SCAMP5: variants seen among roughly 807,000 people sequenced by gnomAD.
SCAMP5 encodes secretory carrier membrane protein 5.
SCAMP5 carries 7 observed loss-of-function variants against 28.3 expected under a neutral mutation model. The ratio of observed to expected loss-of-function variants is 0.25; its 90% CI spans 0.14 to 0.46. The LOEUF (loss-of-function observed/expected upper bound fraction) is 0.46. SCAMP5 is among the 20% of genes least tolerant of loss of function. The pLI is 0.99. For missense variants in SCAMP5, 192 were observed against 312.5 expected (o/e 0.61, Z 2.91); for synonymous variants, 117 against 116.4 (o/e 1.00, Z -0.03).
At chr15:74,999,525 C>T (rs2065682734) in intron 1 of SCAMP5, among the ~76,000 whole-genome samples, 2 of 152,090 alleles carry the variant, frequency 1.3e-5, no homozygotes, top group South Asian at 2.1e-4. Flanking sequence ...TTTCCCGAGG[C>T]GGAGCTTGCA....
chr15:75,008,129 G>T (rs1198907375), intron 1 of SCAMP5, among the ~76,000 whole-genome samples: 4 of 151,922 alleles, frequency 2.6e-5, no homozygotes, highest in African/African-American at 9.7e-5. Flanking sequence ...TCAATTTAAA[G>T]TATAGTTAGC....
At chr15:75,001,546 C>T (rs71401669) in intron 1 of SCAMP5, among the ~76,000 whole-genome samples, 15,380 of 151,756 alleles carry the variant, frequency 0.1, 996 homozygotes, top group Middle Eastern at 0.29. Flanking sequence ...GAGGCTGAGG[C>T]GGGTGGATCT....
At chr15:75,010,739 C>T (rs2065803902) in intron 1 of SCAMP5, among the ~76,000 whole-genome samples, 2 of 151,942 alleles carry the variant, frequency 1.3e-5, no homozygotes, top group South Asian at 4.1e-4. Context: ...CCAGGAGTGC[C>T]ACTTTACTCC....
chr15:75,001,762 C>A (rs145452649), intron 1 of SCAMP5, among the ~76,000 whole-genome samples: 1 of 147,698 alleles, frequency 6.8e-6, no homozygotes, highest in Non-Finnish European at 1.5e-5. Context: ...TCCAGCTACT[C>A]GGGATGCTGA....
At position 75,016,786 on chromosome 15, in the gene SCAMP5, T is replaced by C. The variant is rs749917203; in HGVS notation, c.293+37T>C. 7 of 1,551,744 alleles carry C rather than the reference T, an allele frequency of 4.5e-6. 1 individual carries two copies. The South Asian group carries it at 8.1e-5, about 18-fold the overall frequency. ...GTGCTATCCGCAGTGCCTAGCCGTC[T>C]CTGCCCATCTCCCCTGTCTCTTCTC... is the stretch of plus-strand genomic sequence containing the variant. On this transcript the variant is annotated intron_variant, in intron 4 of 6. Coordinates refer to ENST00000425597, the MANE Select transcript of SCAMP5 (RefSeq NM_138967.4).
chr15:74,996,827 G>T lies in SCAMP5; in HGVS notation c.-49+1154G>T, dbSNP rs1033803055. Among the ~76,000 whole-genome samples the T allele has an allele frequency of 2.0e-5, 3 of 152,212 alleles. No homozygotes were observed. Among genetic ancestry groups the T allele is most frequent in the Admixed American group, 2.0e-4 (3 of 15,282 alleles). On this transcript the variant is annotated intron_variant, in intron 1 of 6. Coordinates refer to ENST00000425597, the MANE Select transcript of SCAMP5 (RefSeq NM_138967.4). The surrounding 1 kb of genome is among the most constrained non-coding windows in gnomAD (Gnocchi z 4.1). ...ACACAGGTCTTGCTAACTTAGGTTTGTTCTGGGCTTGGTGAGCCTTAGGGC... is the reference window on the plus strand; with the variant it reads ...ACACAGGTCTTGCTAACTTAGGTTTTTTCTGGGCTTGGTGAGCCTTAGGGC...
rs146757178 is a variant in SCAMP5, at chr15:75,012,970, C to T, written c.136+165C>T. The T allele has an allele frequency of 4.7e-3, 3,046 of 654,410 alleles. 14 individuals are homozygous for T. The highest frequency in any genetic ancestry group is 5.7e-3 in the Non-Finnish European group (2,195 of 385,878). The allele number at this position is 654,410 out of a possible 1,614,324, so 40.5% of individuals were successfully genotyped here. A position where few individuals can be genotyped will look rare whatever the true frequency, so the allele number is the denominator to read the frequency against. On this transcript the variant is annotated intron_variant, in intron 3 of 6. Transcript: ENST00000425597. ...TCCCCTGCCAGGCTCCCAGAGGCTT[C>T]TTCCATGGGCCACCTCCCCGACTGG...
At chr15:75,005,181 A>G (rs1595882755) in intron 1 of SCAMP5, among the ~76,000 whole-genome samples, 2 of 151,946 alleles carry the variant, frequency 1.3e-5, no homozygotes, top group East Asian at 3.9e-4. Flanking sequence ...GTCTCAAAAA[A>G]AAAAAAATCC....
Position 75,012,792 on chromosome 15 carries a change from C to T in SCAMP5, c.123C>T (p.Tyr41=). ...ATGTCAGCATGACCAAGCGCCTCTA[C>T]TACCTCTGGATGTGTGAGTGCCATG... ...PQHVSMTKRL[Y]YLWMLNSVTL... is the part of the protein sequence containing the mutation. Residue 41 remains tyrosine (Y), a synonymous_variant, in exon 3 of 7, where the codon TAC becomes TAT. Transcript: ENST00000425597. 1 of 1,614,048 alleles carries T rather than the reference C, an allele frequency of 6.2e-7. No homozygotes were observed. The highest frequency in any genetic ancestry group is 8.5e-7 in the Non-Finnish European group (1 of 1,179,892).
rs148589616 is a variant in SCAMP5 at position 75,007,250 on chromosome 15, A to G, written c.-48-4542A>G. On this transcript the variant is annotated intron_variant, in intron 1 of 6. Transcript: ENST00000425597. ...CCGCGGTCTGAATTGTATCTCCTACAGTGAGAAACCACCTTCCCCAAATAA... is the reference window on the plus strand; with the variant it reads ...CCGCGGTCTGAATTGTATCTCCTACGGTGAGAAACCACCTTCCCCAAATAA... Among the ~76,000 whole-genome samples the G allele has an allele frequency of 3.3e-4, 50 of 152,326 alleles. No individual in the cohort carries two copies. In the East Asian group the frequency reaches 7.3e-3, roughly 22 times the overall value.
At position 75,019,692 on chromosome 15, in the gene SCAMP5, C is replaced by T. The variant is rs1213531245; in HGVS notation, c.*709C>T. 6.5e-6 allele frequency: 1 copy of T among 152,710 alleles called. No individual in the cohort carries two copies. The highest frequency in any genetic ancestry group is 1.9e-4 in the East Asian group (1 of 5,198). 9.5% of individuals were successfully genotyped at this position (152,710 alleles called of 1,614,324 possible). A position where few individuals can be genotyped will look rare whatever the true frequency, so the allele number is the denominator to read the frequency against. ...GCTGAGTGTCCCAGTTTTATCTGCT[C>T]CTGAGACTGAGCCCAGATCCCCAAA... On this transcript the variant is annotated 3_prime_UTR_variant, in exon 7 of 7. Coordinates refer to ENST00000425597, the MANE Select transcript of SCAMP5 (RefSeq NM_138967.4).
In SCAMP5 at chr15:75,003,606, T is replaced by A. The variant is rs138712026; in HGVS notation, c.-49+7933T>A. ...GGGTAGATCGCTTGAGCCCAGGGGT[T>A]TGAGAACAGCTTGGGCAATGTAGCG... On this transcript the variant is annotated intron_variant, in intron 1 of 6. Coordinates refer to ENST00000425597, the MANE Select transcript of SCAMP5 (RefSeq NM_138967.4). Among the ~76,000 whole-genome samples, 789 of 152,206 alleles carry A rather than the reference T, an allele frequency of 5.2e-3. 6 individuals carry two copies. Among genetic ancestry groups the A allele is most frequent in the African/African-American group, 0.018 (765 of 41,514 alleles).
chr15:75,016,829 CTTTTTT>C, intron 4 of SCAMP5, 80 bp downstream of exon 4: 8 of 979,836 alleles, frequency 8.2e-6, no homozygotes, highest in Admixed American at 3.3e-5. Flanking sequence ...TTTCTCACTT[CTTTTTT>C]TTTTTTTTTA....
At chr15:75,015,980 G>A (rs1196734092) in intron 3 of SCAMP5, among the ~76,000 whole-genome samples, 2 of 148,744 alleles carry the variant, frequency 1.3e-5, no homozygotes, top group Non-Finnish European at 3.0e-5. Flanking sequence ...GATTCCAGCC[G>A]CCAATGCCTG....
intron 1 of SCAMP5, among the ~76,000 whole-genome samples, chr15:75,005,123 C>T (rs1026992494): frequency 1.3e-5 from 2 of 150,342 alleles, no homozygotes; most frequent in Non-Finnish European, 3.0e-5. Context: ...TGCAGTGAGC[C>T]GAGATCGTGC....
chr15:75,016,801 T>A, intron 4 of SCAMP5, 52 bp downstream of exon 4: 1 of 1,441,788 alleles, frequency 6.9e-7, no homozygotes, highest in African/African-American at 1.4e-5. Flanking sequence ...CCATCTCCCC[T>A]GTCTCTTCTC....
Position 75,019,470 on chromosome 15 carries a change from T to C in SCAMP5, c.*487T>C, listed in dbSNP as rs1227991123. ...CAGTCTTCCTGGGAAGTAACAGTAC[T>C]TAGCACTCTTGGTGGTGGGTGGGAG... On this transcript the variant is annotated 3_prime_UTR_variant, in exon 7 of 7. Transcript: ENST00000425597. 1.3e-5 allele frequency: 2 copies of C among 151,932 alleles called. No individual in the cohort carries two copies. The highest frequency in any genetic ancestry group is 1.3e-4 in the Admixed American group (2 of 15,228). 9.4% of individuals were successfully genotyped at this position (151,932 alleles called of 1,614,324 possible). A position where few individuals can be genotyped will look rare whatever the true frequency, so the allele number is the denominator to read the frequency against.
At chr15:75,017,814 G>A (rs770215282) in intron 4 of SCAMP5, 56 bp from the exon 5 acceptor site, 3 of 1,141,946 alleles carry the variant, frequency 2.6e-6, no homozygotes, top group Admixed American at 3.4e-5. Flanking sequence ...GGGCCTTGAA[G>A]GCAGGGAAGC....
intron 3 of SCAMP5, 69 bp downstream of exon 3, chr15:75,012,874 G>A: frequency 6.6e-7 from 1 of 1,506,986 alleles, no homozygotes; most frequent in South Asian, 1.1e-5. Flanking sequence ...GTGCTGGGCA[G>A]CGGGGTGGGG....
Sources: gnomAD v4.1 joint callset for allele counts (sites outside exome capture counted in the v4.1 genomes callset) on GRCh38, gnomAD v4.1.1 for gene constraint, Gnocchi (gnomAD v3.1) non-coding constraint, MANE v1.5 for transcripts, NCBI Gene and HGNC (gene_info 2026-07-23, HGNC 2026-07-21) for gene names.